ADGRF1: variants seen among roughly 807,000 people sequenced by gnomAD.
The protein encoded by ADGRF1 is G protein-coupled receptor 110.
A neutral mutation model predicts 87.2 loss-of-function variants in ADGRF1; 85 were observed. The ratio of observed to expected loss-of-function variants is 0.97; its 90% confidence interval spans 0.82 to 1.17. The LOEUF is 1.17. Ranked by LOEUF, ADGRF1 falls within the 50% of genes most tolerant of loss-of-function variation. The probability of loss-of-function intolerance (pLI) is 0.00; values close to 1 mark genes in which losing one functional copy is unlikely to be tolerated. For missense variants in ADGRF1, 1,169 were observed against 1,077.2 expected, an observed-to-expected ratio of 1.09 and a Z score of -1.19; for synonymous variants, 430 against 408.8, an observed-to-expected ratio of 1.05 and a Z score of -0.63.
intron 1 of ADGRF1, among the ~76,000 whole-genome samples, chr6:47,040,640 C>T (rs1336449449): frequency 6.6e-6 from 1 of 152,176 alleles, no homozygotes; most frequent in Non-Finnish European, 1.5e-5. Context: ...CACTTTCTGA[C>T]TTGTGCACCC....
intron 8 of ADGRF1, 25 bp downstream of exon 8, chr6:47,016,592 G>C (rs756474058): frequency 1.3e-6 from 2 of 1,572,322 alleles, no homozygotes; most frequent in South Asian, 1.2e-5. Context: ...CTTAACCTAA[G>C]CAGAGGATGG....
At chr6:47,001,459 CTT>C in intron 14 of ADGRF1, 40 bp downstream of exon 14, 2 of 1,532,256 alleles carry the variant, frequency 1.3e-6, no homozygotes, top group South Asian at 1.1e-5. Flanking sequence ...CTCATATACT[CTT>C]TTCACACCTT....
intron 1 of ADGRF1, among the ~76,000 whole-genome samples, chr6:47,036,898 A>T (rs1174264069): frequency 6.6e-6 from 1 of 152,174 alleles, no homozygotes. Flanking sequence ...CAAACTCAAG[A>T]TCATAGCAGT....
At chr6:47,032,104 T>C (rs190204722) in intron 1 of ADGRF1, among the ~76,000 whole-genome samples, 171 of 152,268 alleles carry the variant, frequency 1.1e-3, no homozygotes, top group African/African-American at 3.6e-3. Flanking sequence ...GAAAAACGAT[T>C]TCTCCAGGGG....
At chr6:47,020,885 C>A in intron 6 of ADGRF1, 96 bp from the exon 7 acceptor site, 1 of 914,232 alleles carries the variant, frequency 1.1e-6, no homozygotes, top group Non-Finnish European at 1.8e-6. Context: ...AATAAATCAA[C>A]AGTAGCAAAG....
intron 1 of ADGRF1, among the ~76,000 whole-genome samples, chr6:47,032,335 T>A (rs1320493055): frequency 6.6e-6 from 1 of 152,196 alleles, no homozygotes; most frequent in Admixed American, 6.5e-5. Flanking sequence ...GTTGGAAGAT[T>A]TAGGAAGTAA....
Position 47,032,089 on chromosome 6 carries a change from T to C in ADGRF1, c.-43-2985A>G, listed in dbSNP as rs529933782. Among the ~76,000 whole-genome samples the C allele has an allele frequency of 3.9e-5, 6 of 152,136 alleles. No homozygotes were observed. In the East Asian group the frequency reaches 1.2e-3, roughly 29 times the overall value. On this transcript the variant is annotated intron_variant, in intron 1 of 14. Transcript: ENST00000371253. ...AGCTGTTATTCTAGACTGTTTTAAG[T>C]ATAGGAAAAACGATTTCTCCAGGGG...
intron 1 of ADGRF1, among the ~76,000 whole-genome samples, chr6:47,030,174 G>T (rs927707515): frequency 6.6e-6 from 1 of 152,170 alleles, no homozygotes; most frequent in African/African-American, 2.4e-5. Flanking sequence ...AAAAAGCCGA[G>T]AAAAGGCATT....
Position 47,009,211 on chromosome 6 carries a change from T to C in ADGRF1, c.2224A>G (p.Lys742Glu). 1 of 1,614,206 alleles carries C rather than the reference T, an allele frequency of 6.2e-7. No homozygotes were observed. Among genetic ancestry groups the C allele is most frequent in the Non-Finnish European group, 8.5e-7 (1 of 1,180,040 alleles). ...GGGACAACAAAAGCCAGGAGTGGTT[T>C]GCTTCCATTGGACCAGTTAAGCCAA... Reference protein sequence around the residue: ...VCWLNWSNGSKPLLAFVVPAL... With the variant: ...VCWLNWSNGSEPLLAFVVPAL... The change falls in exon 11 of 15, where the codon AAA becomes GAA. Residue 742 changes from lysine to glutamate, a missense_variant. Transcript: ENST00000371253.
At chr6:47,022,797 C>CTT (rs1160296509) in intron 5 of ADGRF1, among the ~76,000 whole-genome samples, 1 of 135,026 alleles carries the variant, frequency 7.4e-6, no homozygotes, top group African/African-American at 3.0e-5. Context: ...TCTTTCTTTT[C>CTT]TTTTTTCTTT....
Position 47,027,815 on chromosome 6 carries a change from T to G in ADGRF1, c.70-54A>C. ...TGAGACTTTGAAGAGTTGTGCTTCA[T>G]AAGGCCTTGCTGAGTTTCCCAGATG... On this transcript the variant is annotated intron_variant, in intron 2 of 14. Coordinates refer to ENST00000371253, the MANE Select transcript of ADGRF1 (RefSeq NM_153840.4). 4.8e-6 allele frequency: 5 copies of G among 1,034,596 alleles called. No homozygotes were observed. In the South Asian group the frequency reaches 6.5e-5, roughly 13 times the overall value. The allele number at this position is 1,034,596 out of a possible 1,614,324, so 64.1% of individuals were successfully genotyped here.
At position 47,009,239 on chromosome 6, in the gene ADGRF1, C is replaced by T; in HGVS notation, c.2196G>A (p.Val732=). 1 of 1,614,172 alleles carries T rather than the reference C, an allele frequency of 6.2e-7. No individual in the cohort carries two copies. ...TTCCATTGGACCAGTTAAGCCAACA[C>T]ACATCTTTCCTTTTGTAGGTATTGC... The part of the protein sequence containing the change: ...QPSNTYKRKD[V]CWLNWSNGSK... The change falls in exon 11 of 15, where the codon GTG becomes GTA. Residue 732 remains valine (V), a synonymous_variant. Transcript: ENST00000371253.
At position 47,009,886 on chromosome 6, in the gene ADGRF1, C is replaced by A. The variant is rs750253635; in HGVS notation, c.1549G>T (p.Glu517Ter). The change falls in exon 11 of 15, where the codon GAA (glutamate) becomes TAA (stop). Residue 517 changes from glutamate (E) to a stop codon, truncating the protein, a stop_gained. Coordinates refer to ENST00000371253, the MANE Select transcript of ADGRF1 (RefSeq NM_153840.4). LOFTEE classifies it high-confidence loss of function. ...STVIQNYSIN[E>*]VFLFFSKIES... ...ATCTTGGAAAAAAATAGGAAAACTT[C>A]ATTTATGGAATAGTTTTGAATAACC... 1.2e-6 allele frequency: 2 copies of A among 1,613,888 alleles called. No individual in the cohort carries two copies. The highest frequency in any genetic ancestry group is 3.3e-5 in the Admixed American group (2 of 59,990).
chr6:47,015,285 C>T (rs530933048), intron 8 of ADGRF1, among the ~76,000 whole-genome samples: 2 of 152,348 alleles, frequency 1.3e-5, no homozygotes, highest in East Asian at 1.9e-4. Flanking sequence ...CACTTCCTAC[C>T]TGTACCTCTT....
At position 47,000,250 on chromosome 6, in the gene ADGRF1, A is replaced by C. The variant is rs1190686910; in HGVS notation, c.2705T>G (p.Met902Arg). The C allele has an allele frequency of 1.2e-6, 2 of 1,609,090 alleles. No homozygotes were observed. Among genetic ancestry groups the C allele is most frequent in the Non-Finnish European group, 8.5e-7 (1 of 1,177,094 alleles). ...TTCATTTGAGACAAACTGAGTTAGC[A>C]TGATGTTGTCGGAGGAATCTCCAGT... ...SHTGDSSDNIMLTQFVSNE is the reference protein window; with the variant it reads ...SHTGDSSDNIRLTQFVSNE Residue 902 changes from methionine (M) to arginine (R), a missense_variant, in exon 15 of 15, where the codon ATG becomes AGG. Physicochemically the swap from Met to Arg is moderately conservative, Grantham distance 91. Coordinates refer to ENST00000371253, the MANE Select transcript of ADGRF1 (RefSeq NM_153840.4).
Position 47,009,791 on chromosome 6 carries a change from G to C in ADGRF1, c.1644C>G (p.Gly548=). 6.2e-7 allele frequency: 1 copy of C among 1,614,134 alleles called. No individual in the cohort carries two copies. The highest frequency in any genetic ancestry group is 8.5e-7 in the Non-Finnish European group (1 of 1,180,010). Residue 548 remains glycine, a synonymous_variant, in exon 11 of 15, where the codon GGC becomes GGG. Coordinates refer to ENST00000371253, the MANE Select transcript of ADGRF1 (RefSeq NM_153840.4). ...DFSHLQWNDA[G]CHLVNETQDI... is the part of the protein sequence containing the mutation. ...CTTGAGTTTCATTCACTAGGTGGCAGCCTGCATCGTTCCACTGCAAATGAC... is the reference window on the plus strand; with the variant it reads ...CTTGAGTTTCATTCACTAGGTGGCACCCTGCATCGTTCCACTGCAAATGAC...
intron 1 of ADGRF1, among the ~76,000 whole-genome samples, chr6:47,031,131 A>G (rs1295813673): frequency 6.6e-6 from 1 of 152,180 alleles, no homozygotes; most frequent in Non-Finnish European, 1.5e-5. Flanking sequence ...ACCACAGTTT[A>G]TAGTGCTGGA....
At chr6:47,031,184 C>T (rs997034865) in intron 1 of ADGRF1, among the ~76,000 whole-genome samples, 4 of 152,068 alleles carry the variant, frequency 2.6e-5, no homozygotes, top group South Asian at 2.1e-4. Context: ...CAGAGTGATC[C>T]GTTCTGCCTC....
rs565096251 is a variant in ADGRF1, at chr6:46,998,396, C to T, written c.*1826G>A. The T allele has an allele frequency of 3.9e-5, 6 of 152,340 alleles. No individual in the cohort carries two copies. Among genetic ancestry groups the T allele is most frequent in the African/African-American group, 1.4e-4 (6 of 41,568 alleles). 9.4% of individuals were successfully genotyped at this position (152,340 alleles called of 1,614,324 possible). A position where few individuals can be genotyped will look rare whatever the true frequency, so the allele number is the denominator to read the frequency against. On this transcript the variant is annotated 3_prime_UTR_variant, in exon 15 of 15. Coordinates refer to ENST00000371253, the MANE Select transcript of ADGRF1 (RefSeq NM_153840.4). ...ACTTCTTGATGCTGGGTTCCCTCCA[C>T]CTCTTTGGACAACCCTATCAGAGAG... is the stretch of plus-strand genomic sequence containing the variant.
Sources: allele counts gnomAD v4.1 joint callset (sites outside exome capture counted in the v4.1 genomes callset), GRCh38; gene constraint gnomAD v4.1.1; transcripts MANE v1.5; gene names NCBI Gene and HGNC (gene_info 2026-07-23, HGNC 2026-07-21).